SZT2: variants seen among roughly 807,000 people sequenced by gnomAD.
SZT2 encodes the protein KICSTOR complex protein SZT2.
Under a neutral mutation model 404.2 loss-of-function variants are expected in SZT2, and 216 were observed. The observed-to-expected ratio is 0.53, with a 90% CI of 0.48 to 0.60. The LOEUF (loss-of-function observed/expected upper bound fraction) is 0.60. SZT2 is among the 20% of genes least tolerant of loss of function. The pLI is 0.00. For synonymous variants in SZT2, 1,693 were observed against 1,749.9 expected, an observed-to-expected ratio of 0.97 and a Z score of 0.81; for missense variants, 3,857 against 4,459.2, an observed-to-expected ratio of 0.86 and a Z score of 3.85.
rs373992628 is a variant in SZT2, at chr1:43,440,466, C to T, written c.7224C>T (p.Asn2408=). 1.6e-4 allele frequency: 252 copies of T among 1,598,354 alleles called. 3 individuals are homozygous for T. Among genetic ancestry groups the T allele is most frequent in the South Asian group, 4.2e-4 (37 of 88,814 alleles). Residue 2408 remains asparagine (N), a synonymous_variant, in exon 52 of 72, where the codon AAC becomes AAT. Transcript: ENST00000634258. ...TEDTPTGSLR[N]GSLETKSSAG... is the part of the protein sequence containing the mutation. ...TGATGTCCACAGGAAGTCTCAGGAA[C>T]GGATCGTTGGAAACTAAGAGCTCTG...
chr1:43,435,050 C>A, intron 41 of SZT2, 150 bp from the exon 42 acceptor site: 1 of 910,106 alleles, frequency 1.1e-6, no homozygotes, highest in Non-Finnish European at 1.7e-6. Context: ...GAGGCCTGAG[C>A]TTTGACCTCT....
chr1:43,398,305 A>G (rs1301037218), intron 1 of SZT2, among the ~76,000 whole-genome samples: 1 of 152,166 alleles, frequency 6.6e-6, no homozygotes, highest in Admixed American at 6.5e-5. Context: ...AACCATAGCG[A>G]ATTCACTTAT....
In SZT2 at chr1:43,416,520, TG is replaced by T. The variant is rs1308938295; in HGVS notation, c.773-14del. ...GCCAGTGTCTCCAGGTCTGATCTGG[TG>T]TTTCCTGCTCCAGGGATTATCGTGA... On this transcript the variant is annotated splice_polypyrimidine_tract_variant and intron_variant, in intron 6 of 71. Transcript: ENST00000634258. The T allele has an allele frequency of 1.4e-5, 23 of 1,595,450 alleles. No homozygotes were observed. The highest frequency in any genetic ancestry group is 1.5e-5 in the Non-Finnish European group (18 of 1,177,948).
chr1:43,416,265 C>T (rs1288339549), intron 6 of SZT2, among the ~76,000 whole-genome samples, 164 bp downstream of exon 6: 1 of 152,102 alleles, frequency 6.6e-6, no homozygotes, highest in African/African-American at 2.4e-5. Flanking sequence ...TATCAGGAAC[C>T]CTCGACTCTG....
chr1:43,422,502 A>G lies in SZT2; in HGVS notation c.1792A>G (p.Thr598Ala). Reference sequence around the variant, plus strand: ...TAGACCAATCCCCAAGCACTTGCACACCCCGGGCAGCAATGGGCGCTACAG... The same window carrying G: ...TAGACCAATCCCCAAGCACTTGCACGCCCCGGGCAGCAATGGGCGCTACAG... ...HDTPIPKHLH[T>A]PGSNGRYSTI... Residue 598 changes from threonine to alanine, a missense_variant, in exon 13 of 72, where the codon ACC (threonine) becomes GCC (alanine). By Grantham distance (58) the Thr-to-Ala change is moderately conservative. Coordinates refer to ENST00000634258, the MANE Select transcript of SZT2 (RefSeq NM_001365999.1). 6.3e-7 allele frequency: 1 copy of G among 1,588,380 alleles called. No individual in the cohort carries two copies. Among genetic ancestry groups the G allele is most frequent in the Non-Finnish European group, 8.5e-7 (1 of 1,172,864 alleles).
Position 43,448,314 on chromosome 1 carries a change from C to T in SZT2, c.9799C>T (p.Arg3267Trp), listed in dbSNP as rs538720577. 149 of 1,553,352 alleles carry T rather than the reference C, an allele frequency of 9.6e-5. 1 individual carries two copies. The South Asian group carries it at 1.6e-3, about 16-fold the overall frequency. ...ACGAGCACGGCTGGCTCAGCTGGTG[C>T]GGCTGGCTGGAGGGCACTGCCGTCG... The part of the protein sequence containing the change: ...MARARLAQLV[R>W]LAGGHCRRDT... The change falls in exon 69 of 72, where the codon CGG becomes TGG. Residue 3267 changes from arginine to tryptophan, a missense_variant. Around this residue, in one of 7 missense-constraint regions of SZT2, gnomAD observed 717 missense variants for 868.2 expected, o/e 0.83. Coordinates refer to ENST00000634258, the MANE Select transcript of SZT2 (RefSeq NM_001365999.1). The surrounding 1 kb of genome is among the most constrained non-coding windows in gnomAD (Gnocchi z 4.2).
Position 43,438,040 on chromosome 1 carries a change from CCATAA to C in SZT2, c.6508+139_6508+143del. 4.9e-6 allele frequency: 4 copies of C among 824,430 alleles called. No individual in the cohort carries two copies. The South Asian group carries it at 6.4e-5, about 13-fold the overall frequency. The allele number at this position is 824,430 out of a possible 1,614,324, so 51.1% of individuals were successfully genotyped here. On this transcript the variant is annotated intron_variant, in intron 46 of 71. Transcript: ENST00000634258. Reference sequence around the variant, plus strand: ...CAAGACCTGACACATGTTAAGTGAGCCATAAATACTAGCTGGAGGCTCCAGACCCT... The same window carrying C: ...CAAGACCTGACACATGTTAAGTGAGCATACTAGCTGGAGGCTCCAGACCCT...
Position 43,425,722 on chromosome 1 carries a change from G to C in SZT2, c.2814+80G>C, listed in dbSNP as rs1465763375. Reference sequence around the variant, plus strand: ...TCTTTTGGAGTACTGCAGTCTGTGGGCTTCCTGGTCCCTCTGAATGGCTGG... The same window carrying C: ...TCTTTTGGAGTACTGCAGTCTGTGGCCTTCCTGGTCCCTCTGAATGGCTGG... On this transcript the variant is annotated intron_variant, in intron 19 of 71. Coordinates refer to ENST00000634258, the MANE Select transcript of SZT2 (RefSeq NM_001365999.1). The surrounding 1 kb of genome is among the most constrained non-coding windows in gnomAD (Gnocchi z 4.3). 16 of 1,596,790 alleles carry C rather than the reference G, an allele frequency of 1.0e-5. No individual in the cohort carries two copies. In the African/African-American group the frequency reaches 2.0e-4, roughly 20 times the overall value.
chr1:43,401,595 C>G (rs966299381), intron 1 of SZT2, among the ~76,000 whole-genome samples: 1 of 152,046 alleles, frequency 6.6e-6, no homozygotes, highest in Non-Finnish European at 1.5e-5. Flanking sequence ...CAAGCGATCT[C>G]CTGCCTCAGC....
Position 43,433,132 on chromosome 1 carries a change from G to A in SZT2, c.5746G>A (p.Asp1916Asn), listed in dbSNP as rs1266133984. 6.2e-7 allele frequency: 1 copy of A among 1,614,170 alleles called. No individual in the cohort carries two copies. Reference sequence around the variant, plus strand: ...AGGCCTCCCTGGGCCCTGCCTGCCTGACTTCTGGCTCATTGTCCGGGTCCT... The same window carrying A: ...AGGCCTCCCTGGGCCCTGCCTGCCTAACTTCTGGCTCATTGTCCGGGTCCT... ...LSGLPGPCLP[D>N]FWLIVRVLQD... The change falls in exon 40 of 72, where the codon GAC becomes AAC. Residue 1916 changes from aspartate to asparagine, a missense_variant. By Grantham distance (23) the Asp-to-Asn change is conservative. Transcript: ENST00000634258.
At chr1:43,438,870 A>G in intron 47 of SZT2, 53 bp downstream of exon 47, 1 of 1,612,636 alleles carries the variant, frequency 6.2e-7, no homozygotes, top group African/African-American at 1.3e-5. Context: ...CACAGGTTCC[A>G]GGACAGTCTA....
chr1:43,409,341 A>G (rs1163117635), intron 4 of SZT2, among the ~76,000 whole-genome samples: 1 of 152,178 alleles, frequency 6.6e-6, no homozygotes, highest in Non-Finnish European at 1.5e-5. Context: ...TGCTGAGGGT[A>G]AAGGGAAGGA....
In SZT2 at chr1:43,428,091, G is replaced by C; in HGVS notation, c.3892G>C (p.Glu1298Gln). The change falls in exon 27 of 72, where the codon GAG becomes CAG. Residue 1298 changes from glutamate to glutamine, a missense_variant. By Grantham distance (29) the Glu-to-Gln change is conservative. Around this residue, in one of 7 missense-constraint regions of SZT2, gnomAD observed 1,725 missense variants for 1,881.0 expected, o/e 0.92. Transcript: ENST00000634258. ...AGCTAACCACTGTGCCCTGCTGCAG[G>C]AGCATGCACAGCGGTGCTATGTCCG... ...EAANHCALLQ[E>Q]HAQRCYVRGL... 6.2e-7 allele frequency: 1 copy of C among 1,614,132 alleles called. No homozygotes were observed. Among genetic ancestry groups the C allele is most frequent in the Admixed American group, 1.7e-5 (1 of 60,026 alleles).
rs868752882 is a variant in SZT2 at position 43,442,228 on chromosome 1, T to C, written c.7874-40T>C. On this transcript the variant is annotated intron_variant, in intron 56 of 71. Coordinates refer to ENST00000634258, the MANE Select transcript of SZT2 (RefSeq NM_001365999.1). This position sits in a 1 kb window ranked among gnomAD's most constrained non-coding sequence, Gnocchi z 4.5. Reference sequence around the variant, plus strand: ...GGGGAGGGTGGGATCAAGGGGGATCTGTTCCCAGGCCCCTATTGTGCCCCT... The same window carrying C: ...GGGGAGGGTGGGATCAAGGGGGATCCGTTCCCAGGCCCCTATTGTGCCCCT... 9.4e-6 allele frequency: 15 copies of C among 1,603,878 alleles called. No homozygotes were observed. The Middle Eastern group carries it at 1.7e-3, about 178-fold the overall frequency.
chr1:43,434,165 C>T (rs1654216761), intron 40 of SZT2, among the ~76,000 whole-genome samples: 1 of 152,176 alleles, frequency 6.6e-6, no homozygotes, highest in South Asian at 2.1e-4. Flanking sequence ...CGTGGAGCCT[C>T]GGCATCCAGA....
chr1:43,413,143 T>C (rs2153931204), intron 4 of SZT2, among the ~76,000 whole-genome samples: 1 of 152,334 alleles, frequency 6.6e-6, no homozygotes, highest in Non-Finnish European at 1.5e-5. Flanking sequence ...GCCTCATACC[T>C]GTAATCCCAG....
At chr1:43,406,175 C>A in intron 4 of SZT2, 1 of 234,958 alleles carries the variant, frequency 4.3e-6, no homozygotes, top group South Asian at 3.5e-5. Flanking sequence ...GCACCCTCCA[C>A]CTCCTGGGTT....
At position 43,453,112 on chromosome 1, in the gene SZT2, A is replaced by G. The variant is rs1176524128; in HGVS notation, c.*2632A>G. On this transcript the variant is annotated 3_prime_UTR_variant, in exon 72 of 72. Transcript: ENST00000634258. Reference sequence around the variant, plus strand: ...CTTCCTGGAATAGGCCTGTCCTCAAATGCATCACTGTATATATTTACTCTC... The same window carrying G: ...CTTCCTGGAATAGGCCTGTCCTCAAGTGCATCACTGTATATATTTACTCTC... 5.4e-6 allele frequency: 4 copies of G among 740,778 alleles called. No homozygotes were observed. Among genetic ancestry groups the G allele is most frequent in the Non-Finnish European group, 7.2e-6 (3 of 414,152 alleles). The allele number at this position is 740,778 out of a possible 1,614,324, so 45.9% of individuals were successfully genotyped here. A position where few individuals can be genotyped will look rare whatever the true frequency, so the allele number is the denominator to read the frequency against.
chr1:43,427,691 G>T lies in SZT2; in HGVS notation c.3760G>T (p.Val1254Phe). The T allele has an allele frequency of 6.2e-7, 1 of 1,614,078 alleles. No homozygotes were observed. The highest frequency in any genetic ancestry group is 8.5e-7 in the Non-Finnish European group (1 of 1,180,036). ...ACTGGAAGCGCTGAGGGAACAAATG[G>T]TTGGCATGCAGCCCCCTCAGGCGCC... ...CSLEALREQM[V>F]GMQPPQAPRD... Residue 1254 changes from valine to phenylalanine, a missense_variant, in exon 26 of 72, where the codon GTT becomes TTT. Transcript: ENST00000634258.
Sources: gnomAD v4.1 joint callset for allele counts (sites outside exome capture counted in the v4.1 genomes callset) on GRCh38, gnomAD v4.1.1 for gene constraint, gnomAD v4.1.1 regional missense constraint, Gnocchi (gnomAD v3.1) non-coding constraint, MANE v1.5 for transcripts, NCBI Gene and HGNC (gene_info 2026-07-23, HGNC 2026-07-21) for gene names.